The following RICTOR variants were observed in gnomAD, a reference collection of about 807,000 sequenced individuals.
RICTOR encodes the protein rapamycin-insensitive companion of mTOR.
In RICTOR, 49 loss-of-function variants were observed where a neutral mutation model predicts 214.9. That is an observed-to-expected ratio of 0.23 (90% CI 0.18 to 0.29). The LOEUF is 0.29. RICTOR is among the 10% of genes least tolerant of loss of function. The probability of loss-of-function intolerance (pLI) is 1.00; values close to 1 mark genes in which losing one functional copy is unlikely to be tolerated. For missense variants in RICTOR, 1,625 were observed against 2,047.0 expected (o/e 0.79, Z 3.98); for synonymous variants, 717 against 711.3 (o/e 1.01, Z -0.13).
intron 3 of RICTOR, among the ~76,000 whole-genome samples, chr5:39,018,914 A>G (rs552264453): frequency 1.3e-5 from 2 of 152,202 alleles, no homozygotes; most frequent in Non-Finnish European, 2.9e-5. Context: ...ATGCAAAGGA[A>G]AAGTTCTTGA....
chr5:39,020,426 A>G (rs995235394), intron 3 of RICTOR, among the ~76,000 whole-genome samples: 28 of 152,340 alleles, frequency 1.8e-4, no homozygotes, highest in African/African-American at 6.7e-4. Context: ...CTGATAAGGC[A>G]GCAGCCACTG....
Position 38,944,434 on chromosome 5 carries a change from T to C in RICTOR, c.4913+12A>G, listed in dbSNP as rs979181570. Reference sequence around the variant, plus strand: ...AATAAACAAATAATACTCATGCACATAGTTTACTCACGTTAAAAGCCCAGT... The same window carrying C: ...AATAAACAAATAATACTCATGCACACAGTTTACTCACGTTAAAAGCCCAGT... On this transcript the variant is annotated intron_variant, in intron 36 of 37. Coordinates refer to ENST00000357387, the MANE Select transcript of RICTOR (RefSeq NM_152756.5). The C allele has an allele frequency of 6.3e-7, 1 of 1,592,624 alleles. No individual in the cohort carries two copies. The highest frequency in any genetic ancestry group is 8.5e-7 in the Non-Finnish European group (1 of 1,173,642).
intron 5 of RICTOR, among the ~76,000 whole-genome samples, chr5:38,999,022 A>C (rs1753392318): frequency 1.4e-5 from 2 of 141,276 alleles, no homozygotes; most frequent in African/African-American, 2.6e-5. Flanking sequence ...TCTCAAACAA[A>C]CAGGCAAAAA....
At chr5:38,961,794 A>T (rs1416747206) in intron 19 of RICTOR, among the ~76,000 whole-genome samples, 1 of 152,162 alleles carries the variant, frequency 6.6e-6, no homozygotes, top group African/African-American at 2.4e-5. Flanking sequence ...TTCTGAGATC[A>T]GTAGTAATAG....
At chr5:38,963,860 A>G (rs1749992652) in intron 16 of RICTOR, among the ~76,000 whole-genome samples, 1 of 151,900 alleles carries the variant, frequency 6.6e-6, no homozygotes, top group Non-Finnish European at 1.5e-5. Context: ...AAAAGCTACT[A>G]TTACTGATGT....
In RICTOR at chr5:38,944,481, T is replaced by C; in HGVS notation, c.4878A>G (p.Ser1626=). The part of the protein sequence containing the change: ...VLRLVINLSS[S]VSTKCHETGL... Reference sequence around the variant, plus strand: ...CAGTCTCATGACATTTAGTTGAAACTGAACTACTCAAATTAATGACTAATC... The same window carrying C: ...CAGTCTCATGACATTTAGTTGAAACCGAACTACTCAAATTAATGACTAATC... The change falls in exon 36 of 38, where the codon TCA becomes TCG. Residue 1626 remains serine (S), a synonymous_variant. Transcript: ENST00000357387. 3 of 1,612,070 alleles carry C rather than the reference T, an allele frequency of 1.9e-6. No individual in the cohort carries two copies. The highest frequency in any genetic ancestry group is 2.2e-5 in the East Asian group (1 of 44,772).
At chr5:39,019,637 C>T (rs189120843) in intron 3 of RICTOR, among the ~76,000 whole-genome samples, 7 of 152,238 alleles carry the variant, frequency 4.6e-5, no homozygotes, top group Admixed American at 2.6e-4. Context: ...CAAATTGTTA[C>T]GGCTCATTGA....
intron 3 of RICTOR, among the ~76,000 whole-genome samples, chr5:39,014,870 C>T (rs956987469): frequency 1.3e-5 from 2 of 152,164 alleles, no homozygotes; most frequent in African/African-American, 4.8e-5. Context: ...TTTAATGTCA[C>T]TGTTCTATTA....
At chr5:39,025,606 C>T (rs1755754446) in intron 2 of RICTOR, among the ~76,000 whole-genome samples, 1 of 152,158 alleles carries the variant, frequency 6.6e-6, no homozygotes, top group African/African-American at 2.4e-5. Flanking sequence ...GCTGCAAGTC[C>T]AAGATCAGGG....
intron 3 of RICTOR, among the ~76,000 whole-genome samples, chr5:39,014,626 C>T (rs1754801055): frequency 6.6e-6 from 1 of 151,968 alleles, no homozygotes; most frequent in Non-Finnish European, 1.5e-5. Context: ...ATATTTTCAT[C>T]TTTAAAAAGC....
rs183126847 is a variant in RICTOR at position 39,057,345 on chromosome 5, C to T, written c.97+16766G>A. ...TGCAAGAAGAATGCTTAAAAGAAAACGACATCTACTTAGTAAGTATATAAT... is the reference window on the plus strand; with the variant it reads ...TGCAAGAAGAATGCTTAAAAGAAAATGACATCTACTTAGTAAGTATATAAT... On this transcript the variant is annotated intron_variant, in intron 2 of 37. Transcript: ENST00000357387. Among the ~76,000 whole-genome samples the T allele has an allele frequency of 1.2e-3, 190 of 152,192 alleles. 7 individuals carry two copies. In the Middle Eastern group the frequency reaches 0.037, roughly 30 times the overall value.
chr5:38,994,589 G>C (rs904653671), intron 6 of RICTOR, among the ~76,000 whole-genome samples: 2 of 152,172 alleles, frequency 1.3e-5, no homozygotes, highest in African/African-American at 2.4e-5. Context: ...CAATTCTACC[G>C]CTGATTCTAT....
At chr5:38,965,994 C>T (rs1750181488) in intron 15 of RICTOR, among the ~76,000 whole-genome samples, 1 of 152,036 alleles carries the variant, frequency 6.6e-6, no homozygotes, top group African/African-American at 2.4e-5. Flanking sequence ...ACCTTGCAAA[C>T]TATCAGGGAT....
chr5:38,977,409 T>C (rs545970562), intron 9 of RICTOR, among the ~76,000 whole-genome samples: 9 of 152,216 alleles, frequency 5.9e-5, no homozygotes, highest in Admixed American at 5.9e-4. Context: ...TAAGAGAATG[T>C]CTATATTTCA....
At chr5:39,053,968 G>C (rs1269331731) in intron 2 of RICTOR, among the ~76,000 whole-genome samples, 1 of 150,722 alleles carries the variant, frequency 6.6e-6, no homozygotes, top group Non-Finnish European at 1.5e-5. Flanking sequence ...TGTAATCCCA[G>C]CTACTCGGAA....
chr5:38,973,108 C>A (rs952772364), intron 10 of RICTOR, among the ~76,000 whole-genome samples: 1 of 151,828 alleles, frequency 6.6e-6, no homozygotes, highest in Non-Finnish European at 1.5e-5. Context: ...AGTACGGAGT[C>A]AAAAACTGAC....
At chr5:38,962,792 C>T (rs1749902707) in intron 17 of RICTOR, 84 bp downstream of exon 17, 2 of 1,188,774 alleles carry the variant, frequency 1.7e-6, no homozygotes, top group Admixed American at 1.8e-5. Context: ...GAAGTGTAAA[C>T]TCAAATACAT....
chr5:39,010,037 A>G (rs1432130101), intron 3 of RICTOR, among the ~76,000 whole-genome samples: 1 of 152,176 alleles, frequency 6.6e-6, no homozygotes, highest in Non-Finnish European at 1.5e-5. Flanking sequence ...TTGAATTCTA[A>G]TAATCCCCAC....
chr5:39,047,818 A>G (rs1476601124), intron 2 of RICTOR, among the ~76,000 whole-genome samples: 2 of 152,206 alleles, frequency 1.3e-5, no homozygotes, highest in East Asian at 3.9e-4. Flanking sequence ...GACCTGTACA[A>G]TTAATACTAC....
Sources: allele counts gnomAD v4.1 joint callset (sites outside exome capture counted in the v4.1 genomes callset), GRCh38; gene constraint gnomAD v4.1.1; transcripts MANE v1.5; gene names NCBI Gene and HGNC (gene_info 2026-07-23, HGNC 2026-07-21).